Variants in RTN1 observed in about 807,000 individuals in gnomAD.
RTN1 encodes reticulon-1.
A neutral mutation model predicts 65.5 loss-of-function variants in RTN1; 25 were observed. The ratio of observed to expected loss-of-function variants is 0.38; its 90% CI spans 0.28 to 0.53. The LOEUF (loss-of-function observed/expected upper bound fraction) is 0.53, where lower values mean the gene tolerates loss of function less well. RTN1 is among the 20% of genes least tolerant of loss of function. RTN1 has a pLI of 0.79. For synonymous variants in RTN1, 471 were observed against 447.6 expected, an observed-to-expected ratio of 1.05 and a Z score of -0.66; for missense variants, 983 against 1,025.4, an observed-to-expected ratio of 0.96 and a Z score of 0.57.
At chr14:59,659,720 G>T (rs1379153698) in intron 3 of RTN1, among the ~76,000 whole-genome samples, 1 of 152,190 alleles carries the variant, frequency 6.6e-6, no homozygotes, top group African/African-American at 2.4e-5. Context: ...AGGCCTGCCT[G>T]ACAACAGCTC....
chr14:59,765,476 T>C (rs576604586), intron 1 of RTN1, among the ~76,000 whole-genome samples: 3 of 152,360 alleles, frequency 2.0e-5, no homozygotes, highest in East Asian at 1.9e-4. Flanking sequence ...TTGATTTCTA[T>C]ATATTCCATC....
At chr14:59,638,072 G>A (rs574364705) in intron 3 of RTN1, among the ~76,000 whole-genome samples, 1 of 152,044 alleles carries the variant, frequency 6.6e-6, no homozygotes, top group African/African-American at 2.4e-5. Context: ...GGCTGGCCTC[G>A]AACTCCTGAT....
At chr14:59,688,464 C>T (rs2140226405) in intron 3 of RTN1, among the ~76,000 whole-genome samples, 1 of 152,316 alleles carries the variant, frequency 6.6e-6, no homozygotes, top group Non-Finnish European at 1.5e-5. Flanking sequence ...CCAACCCCAC[C>T]CATTTGCCAC....
chr14:59,777,497 T>C (rs35879984), intron 1 of RTN1, among the ~76,000 whole-genome samples: 55,932 of 151,994 alleles, frequency 0.37, 10,458 homozygotes, highest in Middle Eastern at 0.45. Flanking sequence ...TGGCCCCTTC[T>C]TCCCTTTGGC....
At chr14:59,750,107 ATT>A (rs1885422293) in intron 1 of RTN1, among the ~76,000 whole-genome samples, 1 of 57,634 alleles carries the variant, frequency 1.7e-5, no homozygotes, top group Non-Finnish European at 2.6e-5. Flanking sequence ...TATATTATAT[ATT>A]ATATATAATA....
intron 1 of RTN1, among the ~76,000 whole-genome samples, chr14:59,817,247 T>C (rs1043749152): frequency 1.3e-5 from 2 of 152,022 alleles, no homozygotes; most frequent in Non-Finnish European, 2.9e-5. Flanking sequence ...GAAAATGTAA[T>C]TGCAAACTGT....
chr14:59,860,690 A>G (rs1887693115), intron 1 of RTN1, among the ~76,000 whole-genome samples: 3 of 152,232 alleles, frequency 2.0e-5, no homozygotes, highest in Admixed American at 2.0e-4. Flanking sequence ...CCACAGGGGC[A>G]GAGCTTCCCA....
In RTN1 at chr14:59,608,743, G is replaced by T. The variant is rs559541083; in HGVS notation, c.1766-1251C>A. 2.4e-4 allele frequency among the ~76,000 whole-genome samples: 36 copies of T among 152,266 alleles called. 1 individual carries two copies. Among genetic ancestry groups the T allele is most frequent in the Admixed American group, 9.2e-4 (14 of 15,296 alleles). On this transcript the variant is annotated intron_variant, in intron 3 of 8. Transcript: ENST00000267484. ...GGGACATTAACTCAGAAAGACTCCAGTAGGCAGACCTTTGTTGGGCAAAAT... is the reference window on the plus strand; with the variant it reads ...GGGACATTAACTCAGAAAGACTCCATTAGGCAGACCTTTGTTGGGCAAAAT...
chr14:59,699,493 G>A (rs763306967), intron 3 of RTN1, among the ~76,000 whole-genome samples: 11 of 151,978 alleles, frequency 7.2e-5, no homozygotes, highest in Admixed American at 3.3e-4. Flanking sequence ...ATAAACAAAT[G>A]GCATAATAAA....
At chr14:59,703,356 T>TAGTG (rs1390612467) in intron 3 of RTN1, among the ~76,000 whole-genome samples, 2 of 152,176 alleles carry the variant, frequency 1.3e-5, no homozygotes, top group Non-Finnish European at 2.9e-5. Flanking sequence ...CCCTTAGTGA[T>TAGTG]CAATGAGTTC....
At chr14:59,701,756 A>G (rs1241102798) in intron 3 of RTN1, among the ~76,000 whole-genome samples, 1 of 152,174 alleles carries the variant, frequency 6.6e-6, no homozygotes, top group Non-Finnish European at 1.5e-5. Context: ...TTGAAGCTAG[A>G]TAGTAGTGAT....
chr14:59,652,052 A>G (rs1883030627), intron 3 of RTN1, among the ~76,000 whole-genome samples: 1 of 152,182 alleles, frequency 6.6e-6, no homozygotes. Flanking sequence ...GAAGACATAG[A>G]TACAGTCAAC....
At chr14:59,748,407 A>G (rs948487813) in intron 1 of RTN1, among the ~76,000 whole-genome samples, 4 of 150,468 alleles carry the variant, frequency 2.7e-5, no homozygotes, top group Non-Finnish European at 4.4e-5. Flanking sequence ...TTTTCTTGGA[A>G]CTCTCTTCTC....
In RTN1 at chr14:59,727,664, T is replaced by C. The variant is rs774200385; in HGVS notation, c.1020A>G (p.Pro340=). The C allele has an allele frequency of 6.3e-6, 10 of 1,599,230 alleles. No individual in the cohort carries two copies. Among genetic ancestry groups the C allele is most frequent in the South Asian group, 1.1e-5 (1 of 88,788 alleles). The part of the protein sequence containing the change: ...SITPPSSGTE[P]SAAESQGKGS... ...CTTTCCCCTGGGATTCTGCAGCAGA[T>C]GGTTCTGTCGTCCCACAGAGCGAAG... is the stretch of plus-strand genomic sequence containing the variant. Residue 340 remains proline, a synonymous_variant, in exon 3 of 9, where the codon CCA becomes CCG. Transcript: ENST00000267484. This position sits in a 1 kb window ranked among gnomAD's most constrained non-coding sequence, Gnocchi z 4.2.
intron 1 of RTN1, among the ~76,000 whole-genome samples, chr14:59,839,863 T>C (rs924071485): frequency 1.3e-5 from 2 of 152,156 alleles, no homozygotes; most frequent in Non-Finnish European, 2.9e-5. Context: ...GTTTTTAGTA[T>C]TACACATACA....
At chr14:59,644,707 G>A (rs1036823498) in intron 3 of RTN1, among the ~76,000 whole-genome samples, 6 of 152,226 alleles carry the variant, frequency 3.9e-5, no homozygotes, top group Admixed American at 3.9e-4. Context: ...CACCGATGGT[G>A]GCATTATACC....
At chr14:59,834,981 C>A (rs1194359567) in intron 1 of RTN1, among the ~76,000 whole-genome samples, 1 of 152,160 alleles carries the variant, frequency 6.6e-6, no homozygotes, top group Non-Finnish European at 1.5e-5. Context: ...ACTTTATGAT[C>A]CAGCCATTCT....
At chr14:59,621,627 T>C (rs1882255882) in intron 3 of RTN1, among the ~76,000 whole-genome samples, 1 of 152,162 alleles carries the variant, frequency 6.6e-6, no homozygotes, top group Non-Finnish European at 1.5e-5. Flanking sequence ...ATTTCTAGAA[T>C]CCAATCAATA....
In RTN1 at chr14:59,745,750, C is replaced by G. The variant is rs1745694023; in HGVS notation, c.973G>C (p.Asp325His). 1 of 1,613,538 alleles carries G rather than the reference C, an allele frequency of 6.2e-7. No homozygotes were observed. Among genetic ancestry groups the G allele is most frequent in the African/African-American group, 1.3e-5 (1 of 74,862 alleles). ...VPTVTVSEPE[D>H]DSPGSITPPS... ...GGGGTGATAGATCCTGGGCTGTCGT[C>G]TTCAGGCTCCGAGACAGTGACAGTG... is the stretch of plus-strand genomic sequence containing the variant. Residue 325 changes from aspartate (D) to histidine (H), a missense_variant, in exon 2 of 9, where the codon GAC (aspartate) becomes CAC (histidine). Around this residue, in one of 2 missense-constraint regions of RTN1, gnomAD observed 818 missense variants for 801.8 expected, o/e 1.02. Transcript: ENST00000267484.
Sources: allele counts gnomAD v4.1 joint callset (sites outside exome capture counted in the v4.1 genomes callset), GRCh38; gene constraint gnomAD v4.1.1; regional missense constraint gnomAD v4.1.1; non-coding constraint Gnocchi (gnomAD v3.1); transcripts MANE v1.5; gene names NCBI Gene and HGNC (gene_info 2026-07-23, HGNC 2026-07-21).